KIAA1671: variants seen among roughly 807,000 people sequenced by gnomAD.
The protein encoded by KIAA1671 is uncharacterized protein KIAA1671.
A neutral mutation model predicts 131.2 loss-of-function variants in KIAA1671; 52 were observed. The observed-to-expected ratio is 0.40, with a 90% CI of 0.32 to 0.50. KIAA1671 has a LOEUF of 0.50. KIAA1671 is among the 20% of genes least tolerant of loss of function. The pLI is 0.73. For synonymous variants in KIAA1671, 1,003 were observed against 961.6 expected, an observed-to-expected ratio of 1.04 and a Z score of -0.80; for missense variants, 2,360 against 2,364.2, an observed-to-expected ratio of 1.00 and a Z score of 0.04.
chr22:24,953,480 G>A (rs995133105), intron 1 of KIAA1671, among the ~76,000 whole-genome samples: 10 of 152,020 alleles, frequency 6.6e-5, no homozygotes, highest in African/African-American at 2.4e-4. Context: ...ACGTCCTCTC[G>A]GCCTGGCCTG....
chr22:25,012,224 G>C (rs1043921196), intron 1 of KIAA1671: 1 of 151,662 alleles, frequency 6.6e-6, no homozygotes, highest in Non-Finnish European at 1.5e-5. Context: ...CTGTATCCAC[G>C]TAACCCTTGT....
At chr22:25,157,076 A>G (rs1472568501) in intron 6 of KIAA1671, among the ~76,000 whole-genome samples, 1 of 152,234 alleles carries the variant, frequency 6.6e-6, no homozygotes, top group Admixed American at 6.5e-5. Flanking sequence ...CTCCAAGAGG[A>G]GCCAAGTTGG....
At chr22:25,091,767 G>A (rs934692028) in intron 6 of KIAA1671, among the ~76,000 whole-genome samples, 2 of 152,144 alleles carry the variant, frequency 1.3e-5, no homozygotes, top group African/African-American at 4.8e-5. Flanking sequence ...TCAGTAAGGG[G>A]TTGAGAGGAG....
rs530339997 is a variant in KIAA1671, at chr22:25,182,174, A to G, written c.5199+351A>G. Among the ~76,000 whole-genome samples, 355 of 133,884 alleles carry G rather than the reference A, an allele frequency of 2.7e-3. 3 individuals carry two copies. Among genetic ancestry groups the G allele is most frequent in the Non-Finnish European group, 4.3e-3 (270 of 63,434 alleles). The allele number at this position is 133,884 out of a possible 152,430, so 87.8% of individuals were successfully genotyped here. On this transcript the variant is annotated intron_variant, in intron 10 of 12. Transcript: ENST00000358431. ...AGCCTGGGCGACAGAGCGGGACTCCATCTCAAAAAAAAAACAAAAAACAAA... is the reference window on the plus strand; with the variant it reads ...AGCCTGGGCGACAGAGCGGGACTCCGTCTCAAAAAAAAAACAAAAAACAAA...
intron 6 of KIAA1671, among the ~76,000 whole-genome samples, chr22:25,130,169 T>G (rs1225171352): frequency 1.3e-5 from 2 of 152,200 alleles, no homozygotes; most frequent in Non-Finnish European, 2.9e-5. Context: ...ACATAAACTG[T>G]TATACATAAA....
intron 6 of KIAA1671, among the ~76,000 whole-genome samples, chr22:25,121,684 A>G (rs971098563): frequency 3.2e-4 from 49 of 152,350 alleles, no homozygotes; most frequent in African/African-American, 1.1e-3. Context: ...AAGTTGGGGA[A>G]AGATGGGCAG....
chr22:24,972,530 A>T (rs1037035043), intron 1 of KIAA1671, among the ~76,000 whole-genome samples: 2 of 152,076 alleles, frequency 1.3e-5, no homozygotes, highest in Non-Finnish European at 2.9e-5. Context: ...CCATGTGTGT[A>T]TTCATCTATC....
intron 9 of KIAA1671, among the ~76,000 whole-genome samples, chr22:25,178,684 A>G (rs1250222256): frequency 6.6e-6 from 1 of 152,118 alleles, no homozygotes. Flanking sequence ...CAGGTCCCCA[A>G]CTGCAGGCTT....
In KIAA1671 at chr22:25,040,877, C is replaced by G. The variant is rs1190437038; in HGVS notation, c.3747C>G (p.Ser1249Arg). The G allele has an allele frequency of 2.0e-6, 3 of 1,534,576 alleles. No individual in the cohort carries two copies. The highest frequency in any genetic ancestry group is 2.5e-5 in the East Asian group (1 of 40,638). The change falls in exon 5 of 13, where the codon AGC becomes AGG. Residue 1249 changes from serine to arginine, a missense_variant. Physicochemically the swap from Ser to Arg is moderately radical, Grantham distance 110 (BLOSUM62 -1). This residue lies in a region of KIAA1671 where 1,161 missense variants were observed against 1,204.7 expected (regional missense o/e 0.96). Coordinates refer to ENST00000358431, the MANE Select transcript of KIAA1671 (RefSeq NM_001145206.2). Reference sequence around the variant, plus strand: ...GCGGGGTGGAGCAGAGAAGGAGGAGCCTGAAGGAGATGCCCGATACCGGGG... The same window carrying G: ...GCGGGGTGGAGCAGAGAAGGAGGAGGCTGAAGGAGATGCCCGATACCGGGG... ...QLGGVEQRRR[S>R]LKEMPDTGGL...
At chr22:25,035,701 G>T (rs1926550908) in intron 4 of KIAA1671, among the ~76,000 whole-genome samples, 1 of 152,224 alleles carries the variant, frequency 6.6e-6, no homozygotes, top group Non-Finnish European at 1.5e-5. Context: ...CAAAAAGGCT[G>T]TGTGTGGCGA....
At chr22:24,968,131 C>T (rs6004373) in intron 1 of KIAA1671, among the ~76,000 whole-genome samples, 1 of 152,210 alleles carries the variant, frequency 6.6e-6, no homozygotes, top group South Asian at 2.1e-4. Context: ...CAAGTCCTGC[C>T]TTGATGCAGA....
At position 25,170,875 on chromosome 22, in the gene KIAA1671, C is replaced by T. The variant is rs1413756757; in HGVS notation, c.4586C>T (p.Thr1529Ile). ...RQPTEPKDTD[T>I]LVHEAGSQYG... ...CCCACTGAACCCAAGGACACTGACA[C>T]CCTCGTGCACGAAGCCGGCAGCCAG... Residue 1529 changes from threonine (T) to isoleucine (I), a missense_variant, in exon 7 of 13, where the codon ACC (threonine) becomes ATC (isoleucine). Physicochemically the swap from Thr to Ile is moderately conservative, Grantham distance 89. Coordinates refer to ENST00000358431, the MANE Select transcript of KIAA1671 (RefSeq NM_001145206.2). The T allele has an allele frequency of 1.0e-5, 16 of 1,551,684 alleles. No homozygotes were observed. In the South Asian group the frequency reaches 1.8e-4, roughly 17 times the overall value.
At chr22:25,125,211 C>A (rs1375023378) in intron 6 of KIAA1671, among the ~76,000 whole-genome samples, 1 of 152,174 alleles carries the variant, frequency 6.6e-6, no homozygotes, top group Non-Finnish European at 1.5e-5. Flanking sequence ...GGGCCACATT[C>A]AAGGCAGAGG....
chr22:25,066,173 G>C (rs1210039212), intron 6 of KIAA1671, among the ~76,000 whole-genome samples: 1 of 151,638 alleles, frequency 6.6e-6, no homozygotes, highest in Non-Finnish European at 1.5e-5. Context: ...TTTAAAGACA[G>C]GGTCTGGCTC....
At chr22:25,029,630 A>ACC (rs112794881) in intron 3 of KIAA1671, 90 bp downstream of exon 3, 20 of 906,622 alleles carry the variant, frequency 2.2e-5, no homozygotes, top group South Asian at 3.7e-5. Context: ...GGCACTTGTC[A>ACC]CCCCCCCTCA....
chr22:24,970,844 T>G, intron 1 of KIAA1671, among the ~76,000 whole-genome samples: 1 of 152,148 alleles, frequency 6.6e-6, no homozygotes, highest in Non-Finnish European at 1.5e-5. Flanking sequence ...AAGCTTGATC[T>G]AGTATATTTA....
At chr22:25,082,217 G>T (rs1290848230) in intron 6 of KIAA1671, among the ~76,000 whole-genome samples, 1 of 152,170 alleles carries the variant, frequency 6.6e-6, no homozygotes, top group African/African-American at 2.4e-5. Context: ...CACCCCCTCT[G>T]GGCCCAGCAT....
intron 6 of KIAA1671, among the ~76,000 whole-genome samples, chr22:25,123,000 T>C (rs1216696812): frequency 6.6e-6 from 1 of 151,664 alleles, no homozygotes; most frequent in Non-Finnish European, 1.5e-5. Context: ...ACAGTCATTA[T>C]CATCATCACC....
chr22:25,174,332 C>T lies in KIAA1671; in HGVS notation c.4742C>T (p.Pro1581Leu), dbSNP rs148687098. ...TCTTCTCTGTCCTCCCAAACGGAGCCCACCTCGGCAGGGGACCAGTATGAC... is the reference window on the plus strand; with the variant it reads ...TCTTCTCTGTCCTCCCAAACGGAGCTCACCTCGGCAGGGGACCAGTATGAC... ...RLSSLSSQTE[P>L]TSAGDQYDCS... Residue 1581 changes from proline to leucine, a missense_variant, in exon 8 of 13, where the codon CCC (proline) becomes CTC (leucine). This residue lies in a region of KIAA1671 where 1,161 missense variants were observed against 1,204.7 expected (regional missense o/e 0.96). Coordinates refer to ENST00000358431, the MANE Select transcript of KIAA1671 (RefSeq NM_001145206.2). The T allele has an allele frequency of 1.9e-6, 3 of 1,552,022 alleles. No individual in the cohort carries two copies. The highest frequency in any genetic ancestry group is 4.9e-5 in the East Asian group (2 of 40,910).
Sources: gnomAD v4.1 joint callset for allele counts (sites outside exome capture counted in the v4.1 genomes callset) on GRCh38, gnomAD v4.1.1 for gene constraint, gnomAD v4.1.1 regional missense constraint, MANE v1.5 for transcripts, NCBI Gene and HGNC (gene_info 2026-07-23, HGNC 2026-07-21) for gene names.